Variants in PTPRN2 observed in about 807,000 individuals in gnomAD.
PTPRN2 encodes the protein protein tyrosine phosphatase receptor type N2, also known as receptor-type tyrosine-protein phosphatase N2.
In PTPRN2, 74 loss-of-function variants were observed where a neutral mutation model predicts 118.8. The ratio of observed to expected loss-of-function variants is 0.62; its 90% CI spans 0.52 to 0.76. The LOEUF (loss-of-function observed/expected upper bound fraction) is 0.76, where lower values mean the gene tolerates loss of function less well. Ranked by LOEUF, PTPRN2 falls within the 30% of genes least tolerant of loss-of-function variation. The pLI, the probability that PTPRN2 is intolerant of heterozygous loss-of-function variation, is 0.00. For synonymous variants in PTPRN2, 641 were observed against 608.0 expected (o/e 1.05, Z -0.80); for missense variants, 1,481 against 1,394.4 (o/e 1.06, Z -0.99).
chr7:157,973,819 C>A (rs565313205), intron 11 of PTPRN2, among the ~76,000 whole-genome samples: 1 of 152,150 alleles, frequency 6.6e-6, no homozygotes, highest in African/African-American at 2.4e-5. Flanking sequence ...GAAGACCACG[C>A]GGCATGGAAA....
At chr7:157,821,388 C>A (rs2151140579) in intron 12 of PTPRN2, among the ~76,000 whole-genome samples, 1 of 152,240 alleles carries the variant, frequency 6.6e-6, no homozygotes, top group Non-Finnish European at 1.5e-5. Flanking sequence ...TGAATGAGGT[C>A]ATGGAGGGAG....
rs945033098 is a variant in PTPRN2 at position 157,831,694 on chromosome 7, G to A, written c.1788+66979C>T. The stretch of plus-strand genomic sequence containing the variant: ...TCTGCACTGAGCTCCCCTCTACTTC[G>A]GGCCTGCGAGAAGCAGGGAAGGTAT... On this transcript the variant is annotated intron_variant, in intron 12 of 22. Coordinates refer to ENST00000389418, the MANE Select transcript of PTPRN2 (RefSeq NM_002847.5). The surrounding 1 kb of genome is among the most constrained non-coding windows in gnomAD (Gnocchi z 4.8). Among the ~76,000 whole-genome samples, 9 of 152,160 alleles carry A rather than the reference G, an allele frequency of 5.9e-5. No homozygotes were observed. Among genetic ancestry groups the A allele is most frequent in the Admixed American group, 2.0e-4 (3 of 15,278 alleles).
chr7:157,662,868 G>A (rs893112164), intron 13 of PTPRN2, among the ~76,000 whole-genome samples: 5 of 152,290 alleles, frequency 3.3e-5, no homozygotes, highest in African/African-American at 1.2e-4. Flanking sequence ...TGCCGACCGT[G>A]TGCTTCTTGT....
At chr7:157,541,696 G>T (rs1798022012) in intron 22 of PTPRN2, among the ~76,000 whole-genome samples, 1 of 152,238 alleles carries the variant, frequency 6.6e-6, no homozygotes, top group Admixed American at 6.5e-5. Context: ...CTTCTGGAAG[G>T]AAAGCCCTGT....
At chr7:157,541,423 G>A (rs1798009582) in intron 22 of PTPRN2, among the ~76,000 whole-genome samples, 2 of 152,242 alleles carry the variant, frequency 1.3e-5, no homozygotes, top group Admixed American at 1.3e-4. Context: ...CTCCCTCCAC[G>A]GACAGCCTGC....
intron 3 of PTPRN2, among the ~76,000 whole-genome samples, chr7:158,238,224 T>C (rs1795661577): frequency 1.3e-5 from 2 of 152,098 alleles, no homozygotes; most frequent in South Asian, 4.2e-4. Context: ...AAAGCTCAGC[T>C]CTGGGGGGCA....
chr7:158,385,042 G>A (rs139172810), intron 2 of PTPRN2, among the ~76,000 whole-genome samples: 1 of 152,314 alleles, frequency 6.6e-6, no homozygotes, highest in East Asian at 1.9e-4. Flanking sequence ...TCCATTCAGT[G>A]CATCAACGTC....
chr7:158,291,352 A>T (rs763263340), intron 3 of PTPRN2, among the ~76,000 whole-genome samples: 4 of 152,230 alleles, frequency 2.6e-5, no homozygotes, highest in African/African-American at 7.2e-5. Context: ...ATGATACAGA[A>T]TCACACATAT....
intron 12 of PTPRN2, among the ~76,000 whole-genome samples, chr7:157,700,302 G>T (rs1798001053): frequency 6.6e-6 from 1 of 152,154 alleles, no homozygotes; most frequent in African/African-American, 2.4e-5. Flanking sequence ...AAAGAGTAGT[G>T]CCCCAGACAT....
chr7:157,625,463 A>C (rs1169350244), intron 14 of PTPRN2, among the ~76,000 whole-genome samples: 2 of 152,222 alleles, frequency 1.3e-5, no homozygotes, highest in African/African-American at 4.8e-5. Context: ...TATTCTTCCA[A>C]GTTAAGTAAC....
chr7:157,794,186 TGACCCGGGATCACACCTCC>T lies in PTPRN2; in HGVS notation c.1788+104468_1788+104486del, dbSNP rs1804711556. Among the ~76,000 whole-genome samples, 1 of 143,428 alleles carries T rather than the reference TGACCCGGGATCACACCTCC, an allele frequency of 7.0e-6. No individual in the cohort carries two copies. Among genetic ancestry groups the T allele is most frequent in the South Asian group, 2.2e-4 (1 of 4,508 alleles). The allele number at this position is 143,428 out of a possible 152,430, so 94.1% of individuals were successfully genotyped here. A position where few individuals can be genotyped will look rare whatever the true frequency, so the allele number is the denominator to read the frequency against. On this transcript the variant is annotated intron_variant, in intron 12 of 22. Coordinates refer to ENST00000389418, the MANE Select transcript of PTPRN2 (RefSeq NM_002847.5). This position sits in a 1 kb window ranked among gnomAD's most constrained non-coding sequence, Gnocchi z 5.2. ...TCGCACCTCTCCTCGTTCTCTGCCC[TGACCCGGGATCACACCTCC>T]GACCCGGGCTCACACCTCCCCTCGT...
rs1253047927 is a variant in PTPRN2, at chr7:158,587,120, CCACT to C, written c.112+434_112+437del. Reference sequence around the variant, plus strand: ...CGACCCGCTCGCCAAGGCGCGCTCCCCACTCACTCACTGAGGCACCCCTCCCCAC... The same window carrying C: ...CGACCCGCTCGCCAAGGCGCGCTCCCCACTCACTGAGGCACCCCTCCCCAC... On this transcript the variant is annotated intron_variant, in intron 1 of 22. Coordinates refer to ENST00000389418, the MANE Select transcript of PTPRN2 (RefSeq NM_002847.5). Among the ~76,000 whole-genome samples the C allele has an allele frequency of 2.2e-3, 339 of 150,726 alleles. 1 individual carries two copies. Among genetic ancestry groups the C allele is most frequent in the African/African-American group, 7.7e-3 (316 of 40,960 alleles).
chr7:158,099,051 G>C (rs1334180158), intron 10 of PTPRN2, among the ~76,000 whole-genome samples: 1 of 13,232 alleles, frequency 7.6e-5, no homozygotes, highest in East Asian at 1.7e-3. Context: ...AACACATCCC[G>C]GCTGCCTCCC....
intron 11 of PTPRN2, among the ~76,000 whole-genome samples, chr7:157,981,957 G>A (rs1004257174): frequency 3.3e-5 from 5 of 151,958 alleles, no homozygotes; most frequent in Admixed American, 2.6e-4. Flanking sequence ...AGATGAGGAG[G>A]GGAATGCAGA....
At chr7:157,937,568 C>T (rs919912968) in intron 11 of PTPRN2, among the ~76,000 whole-genome samples, 3 of 152,190 alleles carry the variant, frequency 2.0e-5, no homozygotes, top group Non-Finnish European at 4.4e-5. Flanking sequence ...CTCCCGAGTG[C>T]GGCCGCTCCA....
chr7:158,226,036 C>A, intron 3 of PTPRN2, among the ~76,000 whole-genome samples: 1 of 151,806 alleles, frequency 6.6e-6, no homozygotes, highest in South Asian at 2.1e-4. Context: ...CAACTGTGTC[C>A]CAGAAGGAGG....
At position 157,953,481 on chromosome 7, in the gene PTPRN2, C is replaced by T. The variant is rs1800965242; in HGVS notation, c.1724-54744G>A. On this transcript the variant is annotated intron_variant, in intron 11 of 22. Coordinates refer to ENST00000389418, the MANE Select transcript of PTPRN2 (RefSeq NM_002847.5). This position sits in a 1 kb window ranked among gnomAD's most constrained non-coding sequence, Gnocchi z 4.6. ...CGGAGTGCCCGTCACCACCTGCCCA[C>T]CTTCTTCACACCATGAGGCTGCTGG... is the stretch of plus-strand genomic sequence containing the variant. Among the ~76,000 whole-genome samples, 2 of 152,158 alleles carry T rather than the reference C, an allele frequency of 1.3e-5. No homozygotes were observed. Among genetic ancestry groups the T allele is most frequent in the African/African-American group, 2.4e-5 (1 of 41,440 alleles).
In PTPRN2 at chr7:157,676,712, G is replaced by A. The variant is rs1796684632; in HGVS notation, c.2001+6013C>T. Among the ~76,000 whole-genome samples the A allele has an allele frequency of 6.6e-6, 1 of 152,226 alleles. No individual in the cohort carries two copies. Among genetic ancestry groups the A allele is most frequent in the South Asian group, 2.1e-4 (1 of 4,836 alleles). ...CTGACTTTGCCCCCTTGTAAAACAGGGTTGGGAGATAATGAGATGCCTGGG... is the reference window on the plus strand; with the variant it reads ...CTGACTTTGCCCCCTTGTAAAACAGAGTTGGGAGATAATGAGATGCCTGGG... On this transcript the variant is annotated intron_variant, in intron 13 of 22. Transcript: ENST00000389418. This position sits in a 1 kb window ranked among gnomAD's most constrained non-coding sequence, Gnocchi z 5.6.
At chr7:157,888,258 T>A (rs1796600209) in intron 12 of PTPRN2, among the ~76,000 whole-genome samples, 1 of 151,994 alleles carries the variant, frequency 6.6e-6, no homozygotes, top group African/African-American at 2.4e-5. Flanking sequence ...GACCCAGCAT[T>A]ACCATCAAAC....
Sources: allele counts gnomAD v4.1 joint callset (sites outside exome capture counted in the v4.1 genomes callset), GRCh38; gene constraint gnomAD v4.1.1; non-coding constraint Gnocchi (gnomAD v3.1); transcripts MANE v1.5; gene names NCBI Gene and HGNC (gene_info 2026-07-23, HGNC 2026-07-21).